PERP: variants seen among roughly 807,000 people sequenced by gnomAD.
The protein encoded by PERP is p53 apoptosis effector related to PMP22, also known as p53 apoptosis effector related to PMP-22.
PERP carries 11 observed loss-of-function variants against 20.3 expected under a neutral mutation model. That is an observed-to-expected ratio of 0.54 (90% CI 0.34 to 0.90). The LOEUF (loss-of-function observed/expected upper bound fraction) is 0.90, where lower values mean the gene tolerates loss of function less well. PERP is among the 40% of genes least tolerant of loss of function. The pLI, the probability that PERP is intolerant of heterozygous loss-of-function variation, is 0.02. For synonymous variants in PERP, 101 were observed against 102.0 expected (o/e 0.99, Z 0.06); for missense variants, 224 against 249.4 (o/e 0.90, Z 0.69).
At position 138,090,046 on chromosome 6, in the gene PERP, T is replaced by C. The variant is rs573763592; in HGVS notation, c.*1996A>G. On this transcript the variant is annotated 3_prime_UTR_variant, in exon 3 of 3. Transcript: ENST00000421351. The stretch of plus-strand genomic sequence containing the variant: ...ATCCAGTATCTTCTTGAATGAGCTG[T>C]GGTATCACTTTAAAAGATGGGATTT... 9.0e-4 allele frequency: 137 copies of C among 152,276 alleles called. No individual in the cohort carries two copies. The highest frequency in any genetic ancestry group is 3.1e-3 in the African/African-American group (128 of 41,558). 9.4% of individuals were successfully genotyped at this position (152,276 alleles called of 1,614,324 possible).
At chr6:138,098,887 C>T (rs1291015463) in intron 1 of PERP, among the ~76,000 whole-genome samples, 1 of 151,958 alleles carries the variant, frequency 6.6e-6, no homozygotes, top group Non-Finnish European at 1.5e-5. Context: ...CCTGTCAGAC[C>T]ACTGAGAGAC....
At chr6:138,106,084 C>A (rs1184127573) in intron 1 of PERP, among the ~76,000 whole-genome samples, 1 of 152,132 alleles carries the variant, frequency 6.6e-6, no homozygotes. Context: ...CCCTGGGCCA[C>A]TTCAAAGAAA....
At chr6:138,099,579 T>A (rs570766188) in intron 1 of PERP, among the ~76,000 whole-genome samples, 1 of 152,320 alleles carries the variant, frequency 6.6e-6, no homozygotes, top group South Asian at 2.1e-4. Flanking sequence ...TTTCAATAAC[T>A]AAACTTTTAC....
In PERP at chr6:138,093,410, C is replaced by G. The variant is rs547439630; in HGVS notation, c.356-1142G>C. On this transcript the variant is annotated intron_variant, in intron 2 of 2. Coordinates refer to ENST00000421351, the MANE Select transcript of PERP (RefSeq NM_022121.5). ...TTTTTTTTTTTCACTGCTAGAAAGG[C>G]TATAGATGTTTCTGTGTCTTCATTT... Among the ~76,000 whole-genome samples the G allele has an allele frequency of 6.8e-4, 103 of 151,842 alleles. 1 individual carries two copies. The highest frequency in any genetic ancestry group is 2.4e-3 in the African/African-American group (99 of 41,428).
chr6:138,107,122 C>G lies in PERP; in HGVS notation c.214+5G>C. The G allele has an allele frequency of 1.3e-6, 2 of 1,595,510 alleles. No individual in the cohort carries two copies. Among genetic ancestry groups the G allele is most frequent in the South Asian group, 2.2e-5 (2 of 90,050 alleles). On this transcript the variant is annotated splice_donor_5th_base_variant and intron_variant, in intron 1 of 2. Transcript: ENST00000421351. The surrounding 1 kb of genome is among the most constrained non-coding windows in gnomAD (Gnocchi z 4.8). ...GCGGCGACGGCGGCGGCGGCGGGCA[C>G]TCACCGTACTCCATGAGGCTCTGAC...
chr6:138,100,177 C>G (rs549696081), intron 1 of PERP, among the ~76,000 whole-genome samples: 21 of 152,308 alleles, frequency 1.4e-4, no homozygotes, highest in Non-Finnish European at 2.5e-4. Flanking sequence ...GCCCACCGTT[C>G]TGTCTGAGAA....
chr6:138,106,233 C>A (rs562973310), intron 1 of PERP, among the ~76,000 whole-genome samples: 1 of 152,130 alleles, frequency 6.6e-6, no homozygotes, highest in African/African-American at 2.4e-5. Context: ...CCATCTCCAC[C>A]CCCACACACA....
At chr6:138,095,550 C>G (rs962387729) in intron 2 of PERP, among the ~76,000 whole-genome samples, 4 of 152,142 alleles carry the variant, frequency 2.6e-5, no homozygotes, top group Non-Finnish European at 4.4e-5. Context: ...CTGCTTTGGT[C>G]CCATAAGCCT....
At chr6:138,104,615 T>C (rs533748917) in intron 1 of PERP, among the ~76,000 whole-genome samples, 1 of 152,352 alleles carries the variant, frequency 6.6e-6, no homozygotes, top group South Asian at 2.1e-4. Flanking sequence ...TGAAACACTT[T>C]GTAATAACAA....
chr6:138,089,647 T>C lies in PERP; in HGVS notation c.*2395A>G, dbSNP rs1775546200. 6.6e-6 allele frequency: 1 copy of C among 152,200 alleles called. No individual in the cohort carries two copies. Among genetic ancestry groups the C allele is most frequent in the African/African-American group, 2.4e-5 (1 of 41,448 alleles). The allele number at this position is 152,200 out of a possible 1,614,324, so 9.4% of individuals were successfully genotyped here. A position where few individuals can be genotyped will look rare whatever the true frequency, so the allele number is the denominator to read the frequency against. On this transcript the variant is annotated 3_prime_UTR_variant, in exon 3 of 3. Transcript: ENST00000421351. Reference sequence around the variant, plus strand: ...TTCAGGTGGTTTCTCAGCCCAATTCTTCATTACTCTCCAGAATCCTCTGGA... The same window carrying C: ...TTCAGGTGGTTTCTCAGCCCAATTCCTCATTACTCTCCAGAATCCTCTGGA...
intron 1 of PERP, among the ~76,000 whole-genome samples, chr6:138,103,561 A>G (rs1775804922): frequency 6.6e-6 from 1 of 152,200 alleles, no homozygotes; most frequent in South Asian, 2.1e-4. Context: ...TTTTGGCACC[A>G]GGGACCAGTT....
intron 1 of PERP, among the ~76,000 whole-genome samples, chr6:138,101,330 A>G (rs183195246): frequency 1.3e-5 from 2 of 152,336 alleles, no homozygotes; most frequent in African/African-American, 4.8e-5. Flanking sequence ...AGATTGCGCC[A>G]CTGCACTCTA....
At chr6:138,100,367 T>C (rs561082311) in intron 1 of PERP, among the ~76,000 whole-genome samples, 3 of 152,182 alleles carry the variant, frequency 2.0e-5, no homozygotes, top group Non-Finnish European at 4.4e-5. Flanking sequence ...TATATCATGG[T>C]CTAAATTCTA....
chr6:138,105,370 C>T (rs575231587), intron 1 of PERP, among the ~76,000 whole-genome samples: 2 of 152,250 alleles, frequency 1.3e-5, no homozygotes, highest in South Asian at 4.1e-4. Context: ...AACATTTAGA[C>T]TTCTAATTAA....
chr6:138,098,249 G>A (rs142251669), intron 1 of PERP, among the ~76,000 whole-genome samples: 184 of 152,288 alleles, frequency 1.2e-3, no homozygotes, highest in Admixed American at 2.6e-3. Flanking sequence ...ACTCTGTGAC[G>A]CAGCACAGCT....
chr6:138,099,808 C>G (rs1775745963), intron 1 of PERP, among the ~76,000 whole-genome samples: 1 of 152,182 alleles, frequency 6.6e-6, no homozygotes, highest in Non-Finnish European at 1.5e-5. Flanking sequence ...TTCACCTAAC[C>G]TAAAGCCAAG....
intron 2 of PERP, 21 bp from the exon 3 acceptor site, chr6:138,092,289 C>T: frequency 6.3e-7 from 1 of 1,586,762 alleles, no homozygotes. Context: ...GAAAAAAATC[C>T]CAGGGTATGA....
intron 1 of PERP, among the ~76,000 whole-genome samples, chr6:138,098,189 T>C (rs1775724846): frequency 6.6e-6 from 1 of 152,218 alleles, no homozygotes; most frequent in Admixed American, 6.5e-5. Flanking sequence ...TTCACTACAT[T>C]TGAAAAGGAG....
chr6:138,103,218 T>C (rs1775800169), intron 1 of PERP, among the ~76,000 whole-genome samples: 1 of 151,882 alleles, frequency 6.6e-6, no homozygotes, highest in Non-Finnish European at 1.5e-5. Context: ...GGCCCAATCT[T>C]GGCTCACTGC....
Sources: allele counts gnomAD v4.1 joint callset (sites outside exome capture counted in the v4.1 genomes callset), GRCh38; gene constraint gnomAD v4.1.1; non-coding constraint Gnocchi (gnomAD v3.1); transcripts MANE v1.5; gene names NCBI Gene and HGNC (gene_info 2026-07-23, HGNC 2026-07-21).